NALF1: variants seen among roughly 807,000 people sequenced by gnomAD.
NALF1 encodes NALCN channel auxiliary factor 1.
In NALF1, 3 loss-of-function variants were observed where a neutral mutation model predicts 48.4. That is an observed-to-expected ratio of 0.06 (90% CI 0.03 to 0.16). NALF1 has a LOEUF of 0.16. NALF1 is among the 10% of genes least tolerant of loss of function. NALF1 has a pLI of 1.00. For synonymous variants in NALF1, 262 were observed against 245.7 expected (o/e 1.07, Z -0.62); for missense variants, 526 against 571.5 (o/e 0.92, Z 0.81).
chr13:107,653,461 C>T (rs1880497025), intron 1 of NALF1, among the ~76,000 whole-genome samples: 1 of 144,978 alleles, frequency 6.9e-6, no homozygotes, highest in Admixed American at 7.2e-5. Flanking sequence ...AATCAAGCCT[C>T]TGCTGTTCTT....
chr13:107,210,524 A>C, intron 2 of NALF1, 60 bp downstream of exon 2: 1 of 1,191,440 alleles, frequency 8.4e-7, no homozygotes. Flanking sequence ...GCAAACAAAC[A>C]TCACACAAGA....
At chr13:107,219,701 TATA>T (rs1328148481) in intron 1 of NALF1, among the ~76,000 whole-genome samples, 1 of 152,194 alleles carries the variant, frequency 6.6e-6, no homozygotes, top group Non-Finnish European at 1.5e-5. Context: ...TGAGTAGAGC[TATA>T]ATAAGTAATC....
intron 1 of NALF1, among the ~76,000 whole-genome samples, chr13:107,735,470 G>C (rs547983718): frequency 6.6e-6 from 1 of 152,304 alleles, no homozygotes; most frequent in Admixed American, 6.5e-5. Flanking sequence ...CTTTATCCAG[G>C]AAGGTACTAT....
At chr13:107,350,654 T>A (rs917366566) in intron 1 of NALF1, among the ~76,000 whole-genome samples, 1 of 152,262 alleles carries the variant, frequency 6.6e-6, no homozygotes, top group African/African-American at 2.4e-5. Flanking sequence ...TGAGGTAGAA[T>A]GATTCTAATA....
chr13:107,277,407 T>C (rs1881302234), intron 1 of NALF1, among the ~76,000 whole-genome samples: 2 of 152,160 alleles, frequency 1.3e-5, no homozygotes, highest in South Asian at 4.1e-4. Flanking sequence ...ACATATTCAA[T>C]TTCTACTCTA....
chr13:107,654,491 G>A (rs1040064162), intron 1 of NALF1, among the ~76,000 whole-genome samples: 5 of 151,934 alleles, frequency 3.3e-5, no homozygotes, highest in African/African-American at 1.2e-4. Context: ...CAGTGAAATC[G>A]AAATGGTAAT....
chr13:107,220,350 T>C (rs1482185589), intron 1 of NALF1, among the ~76,000 whole-genome samples: 1 of 152,240 alleles, frequency 6.6e-6, no homozygotes, highest in Non-Finnish European at 1.5e-5. Context: ...AGTAGAATTG[T>C]GTCACGTGGT....
At chr13:107,631,219 T>C (rs184281383) in intron 1 of NALF1, among the ~76,000 whole-genome samples, 16 of 152,172 alleles carry the variant, frequency 1.1e-4, no homozygotes, top group Admixed American at 3.9e-4. Flanking sequence ...ACTTCAAATA[T>C]TTTTAATGCA....
intron 1 of NALF1, among the ~76,000 whole-genome samples, chr13:107,497,835 T>A (rs925205859): frequency 6.6e-6 from 1 of 152,174 alleles, no homozygotes; most frequent in Non-Finnish European, 1.5e-5. Context: ...TAACTAAATA[T>A]GTTTTTGCTG....
chr13:107,663,430 G>T (rs539665430), intron 1 of NALF1, among the ~76,000 whole-genome samples: 2 of 152,198 alleles, frequency 1.3e-5, no homozygotes, highest in South Asian at 4.2e-4. Context: ...CACAGTTAAG[G>T]CCTCTTCAGC....
chr13:107,864,716 G>C (rs2138652962), intron 1 of NALF1, among the ~76,000 whole-genome samples: 1 of 152,224 alleles, frequency 6.6e-6, no homozygotes, highest in South Asian at 2.1e-4. Context: ...CAGCTCTTGG[G>C]TAAATCTCAT....
At chr13:107,472,100 G>A (rs2139053358) in intron 1 of NALF1, among the ~76,000 whole-genome samples, 1 of 152,290 alleles carries the variant, frequency 6.6e-6, no homozygotes, top group South Asian at 2.1e-4. Context: ...GGGAGGCTGA[G>A]GCAGGCAGAT....
intron 1 of NALF1, among the ~76,000 whole-genome samples, chr13:107,801,446 C>T (rs7321295): frequency 0.074 from 11,250 of 152,184 alleles, 985 homozygotes; most frequent in African/African-American, 0.21. Flanking sequence ...ATAATTGTAA[C>T]ACAGTCAGAG....
intron 1 of NALF1, among the ~76,000 whole-genome samples, chr13:107,651,634 A>G (rs1422459691): frequency 6.6e-6 from 1 of 152,214 alleles, no homozygotes; most frequent in East Asian, 1.9e-4. Context: ...CAGACATTTC[A>G]GCTTACTTAA....
At chr13:107,487,503 C>A (rs1237734036) in intron 1 of NALF1, among the ~76,000 whole-genome samples, 29 of 152,108 alleles carry the variant, frequency 1.9e-4, no homozygotes. Context: ...TGCACAAGAC[C>A]TGTGGAGTGG....
chr13:107,191,274 A>T (rs1258477565), intron 2 of NALF1, among the ~76,000 whole-genome samples: 1 of 152,160 alleles, frequency 6.6e-6, no homozygotes, highest in East Asian at 1.9e-4. Context: ...AAAAAAAAAA[A>T]ATGAGTTTGA....
intron 2 of NALF1, among the ~76,000 whole-genome samples, chr13:107,186,848 T>C (rs1879185671): frequency 6.6e-6 from 1 of 152,226 alleles, no homozygotes; most frequent in African/African-American, 2.4e-5. Flanking sequence ...TTATCTACTC[T>C]GGGTTTCATG....
chr13:107,365,759 T>C (rs1056772141), intron 1 of NALF1, among the ~76,000 whole-genome samples: 2 of 152,164 alleles, frequency 1.3e-5, no homozygotes, highest in African/African-American at 4.8e-5. Flanking sequence ...TTTAGAAATA[T>C]CACTAATTAA....
chr13:107,823,708 CT>C (rs1184107564), intron 1 of NALF1, among the ~76,000 whole-genome samples: 1 of 152,162 alleles, frequency 6.6e-6, no homozygotes, highest in Non-Finnish European at 1.5e-5. Context: ...ATGCTCCTCT[CT>C]TGACACAATT....
Sources: allele counts gnomAD v4.1 joint callset (sites outside exome capture counted in the v4.1 genomes callset), GRCh38; gene constraint gnomAD v4.1.1; transcripts MANE v1.5; gene names NCBI Gene and HGNC (gene_info 2026-07-23, HGNC 2026-07-21).